PTGFRN: variants seen among roughly 807,000 people sequenced by gnomAD.
PTGFRN encodes prostaglandin F2 receptor negative regulator.
PTGFRN carries 35 observed loss-of-function variants against 83.2 expected under a neutral mutation model. That is an observed-to-expected ratio of 0.42 (90% CI 0.32 to 0.56). The LOEUF is 0.56. Among genes scored for constraint, PTGFRN ranks in the 20% least tolerant of loss-of-function variants. The probability of loss-of-function intolerance (pLI) is 0.11; values close to 1 mark genes in which losing one functional copy is unlikely to be tolerated. For missense variants in PTGFRN, 1,051 were observed against 1,179.5 expected (o/e 0.89, Z 1.60); for synonymous variants, 519 against 498.6 (o/e 1.04, Z -0.55).
rs935672367 is a variant in PTGFRN, at chr1:116,952,497, A to C, written c.1213+2925A>C. ...AAAAAGATTTAAGTTGGCTTGCAAA[A>C]TGAGGTACAGTTTAAAGCAGGAGAC... On this transcript the variant is annotated intron_variant, in intron 4 of 8. Transcript: ENST00000393203. The surrounding 1 kb of genome is among the most constrained non-coding windows in gnomAD (Gnocchi z 4.0). 6.6e-6 allele frequency among the ~76,000 whole-genome samples: 1 copy of C among 152,212 alleles called. No homozygotes were observed. Among genetic ancestry groups the C allele is most frequent in the Non-Finnish European group, 1.5e-5 (1 of 68,026 alleles).
Position 116,930,415 on chromosome 1 carries a change from A to G in PTGFRN, c.50-11300A>G, listed in dbSNP as rs577029416. On this transcript the variant is annotated intron_variant, in intron 1 of 8. Transcript: ENST00000393203. ...TCTCCCGATGGTGTCATCGACTCCC[A>G]CGTCTTCACTGCTGGGCAGATTTCC... Among the ~76,000 whole-genome samples, 9 of 152,236 alleles carry G rather than the reference A, an allele frequency of 5.9e-5. No individual in the cohort carries two copies. In the South Asian group the frequency reaches 1.9e-3, roughly 32 times the overall value.
chr1:116,940,180 C>T (rs1650024109), intron 1 of PTGFRN, among the ~76,000 whole-genome samples: 1 of 152,226 alleles, frequency 6.6e-6, no homozygotes, highest in African/African-American at 2.4e-5. Flanking sequence ...CTTAAACAGA[C>T]ATTTATTGCC....
intron 5 of PTGFRN, among the ~76,000 whole-genome samples, chr1:116,962,634 C>T (rs1304525624): frequency 6.6e-6 from 1 of 152,166 alleles, no homozygotes; most frequent in Non-Finnish European, 1.5e-5. Flanking sequence ...CTATTTGGTC[C>T]TACACTTACA....
intron 1 of PTGFRN, among the ~76,000 whole-genome samples, chr1:116,926,586 C>T (rs1649666007): frequency 6.6e-6 from 1 of 152,144 alleles, no homozygotes; most frequent in Non-Finnish European, 1.5e-5. Flanking sequence ...CGCTTGGTCA[C>T]ATAACTTCTC....
chr1:116,955,274 G>A (rs994411347), intron 4 of PTGFRN, among the ~76,000 whole-genome samples: 10 of 152,218 alleles, frequency 6.6e-5, no homozygotes, highest in African/African-American at 2.2e-4. Context: ...CAGAACGTTA[G>A]TGATGCTGCA....
intron 4 of PTGFRN, among the ~76,000 whole-genome samples, chr1:116,954,872 A>G (rs961649281): frequency 2.6e-5 from 4 of 152,232 alleles, no homozygotes; most frequent in African/African-American, 9.6e-5. Context: ...ATTAATTGAA[A>G]ATGCAAGGAA....
chr1:116,986,580 A>T (rs1178042486), intron 8 of PTGFRN, among the ~76,000 whole-genome samples: 1 of 152,180 alleles, frequency 6.6e-6, no homozygotes, highest in Non-Finnish European at 1.5e-5. Flanking sequence ...TGTGGTTTTT[A>T]TTCTCCCCGC....
chr1:116,970,551 A>G (rs1246788727), intron 6 of PTGFRN, among the ~76,000 whole-genome samples: 4 of 152,204 alleles, frequency 2.6e-5, no homozygotes, highest in Admixed American at 1.3e-4. Context: ...TGGGTGAGGA[A>G]TGGATGTTGA....
In PTGFRN at chr1:116,987,036, T is replaced by A; in HGVS notation, c.*69T>A. ...TTGGGGCAAGAAGAGGACAGTGATA[T>A]TTTAAAACAAAGTGTGTTACACTAA... On this transcript the variant is annotated 3_prime_UTR_variant, in exon 9 of 9. Transcript: ENST00000393203. The A allele has an allele frequency of 6.4e-7, 1 of 1,574,582 alleles. No homozygotes were observed. The highest frequency in any genetic ancestry group is 2.2e-5 in the East Asian group (1 of 44,608).
chr1:116,977,668 A>G (rs1651194600), intron 7 of PTGFRN, among the ~76,000 whole-genome samples: 4 of 152,362 alleles, frequency 2.6e-5, no homozygotes, highest in East Asian at 1.9e-4. Context: ...GTTCTTTGAA[A>G]CCAATGAGAA....
intron 1 of PTGFRN, among the ~76,000 whole-genome samples, chr1:116,937,832 C>T (rs906146006): frequency 1.3e-5 from 2 of 152,168 alleles, no homozygotes; most frequent in African/African-American, 4.8e-5. Flanking sequence ...GCCTGCTCAG[C>T]ACATAACCGC....
At chr1:116,929,469 G>A (rs1414391152) in intron 1 of PTGFRN, among the ~76,000 whole-genome samples, 1 of 152,138 alleles carries the variant, frequency 6.6e-6, no homozygotes, top group Admixed American at 6.5e-5. Flanking sequence ...AGAATCCAGG[G>A]CCCCTGCCCC....
intron 1 of PTGFRN, among the ~76,000 whole-genome samples, chr1:116,939,294 C>A (rs1650005047): frequency 6.6e-6 from 1 of 152,256 alleles, no homozygotes; most frequent in Non-Finnish European, 1.5e-5. Context: ...CCCACCCCTG[C>A]AACAAACTTC....
rs151162899 is a variant in PTGFRN at position 116,986,829 on chromosome 1, G to T, written c.2502G>T (p.Leu834=). The change falls in exon 9 of 9, where the codon CTG becomes CTT. Residue 834 remains leucine, a synonymous_variant. Coordinates refer to ENST00000393203, the MANE Select transcript of PTGFRN (RefSeq NM_020440.4). ...DVLNAFKYPL[L]IGVGLSTVIG... ...TGAACGCCTTCAAGTATCCCTTGCT[G>T]ATCGGCGTCGGTCTGTCCACGGTCA... is the stretch of plus-strand genomic sequence containing the variant. The T allele has an allele frequency of 2.7e-4, 435 of 1,614,150 alleles. No individual in the cohort carries two copies. The African/African-American group carries it at 4.5e-3, about 17-fold the overall frequency.
At chr1:116,973,373 G>C (rs530924331) in intron 6 of PTGFRN, among the ~76,000 whole-genome samples, 1 of 152,232 alleles carries the variant, frequency 6.6e-6, no homozygotes, top group African/African-American at 2.4e-5. Context: ...CACTTTGGGA[G>C]GCGGGCAGAT....
chr1:116,965,579 C>A (rs891278017), intron 5 of PTGFRN, among the ~76,000 whole-genome samples: 2 of 152,044 alleles, frequency 1.3e-5, no homozygotes, highest in Non-Finnish European at 2.9e-5. Context: ...GCCACTACAC[C>A]CAGCTCAGGT....
intron 1 of PTGFRN, among the ~76,000 whole-genome samples, chr1:116,916,913 G>A (rs868208341): frequency 6.6e-6 from 1 of 152,130 alleles, no homozygotes; most frequent in Non-Finnish European, 1.5e-5. Context: ...GAAAGTGGAC[G>A]ATTGAGATGA....
intron 1 of PTGFRN, among the ~76,000 whole-genome samples, chr1:116,935,730 G>T (rs1557961695): frequency 1.3e-5 from 2 of 152,158 alleles, no homozygotes; most frequent in Non-Finnish European, 2.9e-5. Context: ...TGTGGTAACT[G>T]CCCCGAGAGG....
intron 3 of PTGFRN, among the ~76,000 whole-genome samples, chr1:116,948,195 G>A (rs116729041): frequency 0.015 from 2,313 of 152,118 alleles, 58 homozygotes; most frequent in African/African-American, 0.053. Flanking sequence ...AATTGTTCCC[G>A]GACATTTCAC....
Sources: allele counts gnomAD v4.1 joint callset (sites outside exome capture counted in the v4.1 genomes callset), GRCh38; gene constraint gnomAD v4.1.1; non-coding constraint Gnocchi (gnomAD v3.1); transcripts MANE v1.5; gene names NCBI Gene and HGNC (gene_info 2026-07-23, HGNC 2026-07-21).